Variants in SAMMSON observed in about 807,000 individuals in gnomAD.
SAMMSON encodes survival associated mitochondrial melanoma specific oncogenic non-coding RNA.
chr3:70,398,760 T>C lies in SAMMSON; in HGVS notation n.233+40436T>C, dbSNP rs145542244. 4.3e-4 allele frequency among the ~76,000 whole-genome samples: 65 copies of C among 152,322 alleles called. No homozygotes were observed. The East Asian group carries it at 0.011, about 26-fold the overall frequency. Reference sequence around the variant, plus strand: ...AGTGTGTGGTAGAAAATGTAAATGCTCGATGTTCTTCTGAGAAACACATAA... The same window carrying C: ...AGTGTGTGGTAGAAAATGTAAATGCCCGATGTTCTTCTGAGAAACACATAA... On this transcript the variant is annotated intron_variant and non_coding_transcript_variant, in intron 2 of 3. Transcript: ENST00000641053.
At chr3:70,409,331 C>T (rs907382753) in intron 2 of SAMMSON, among the ~76,000 whole-genome samples, 2 of 151,982 alleles carry the variant, frequency 1.3e-5, no homozygotes, top group Admixed American at 6.6e-5. Context: ...TTGGAAATGA[C>T]ATTTTAATTT....
chr3:70,408,667 A>G (rs944718307), intron 2 of SAMMSON, among the ~76,000 whole-genome samples: 4 of 152,106 alleles, frequency 2.6e-5, no homozygotes, highest in African/African-American at 9.7e-5. Context: ...AAGCCATTCA[A>G]TGAGTCTCTA....
At chr3:70,331,317 G>GAGCT (rs1702619809) in intron 7 of SAMMSON, among the ~76,000 whole-genome samples, 1 of 152,186 alleles carries the variant, frequency 6.6e-6, no homozygotes, top group African/African-American at 2.4e-5. Flanking sequence ...ACTAGTGGAT[G>GAGCT]AGCTACTGGT....
chr3:70,010,524 G>A (rs1316951450), intron 1 of SAMMSON, among the ~76,000 whole-genome samples: 2 of 152,030 alleles, frequency 1.3e-5, no homozygotes, highest in East Asian at 1.9e-4. Context: ...AGGGGAAGAT[G>A]GATGCTATTT....
Position 70,230,193 on chromosome 3 carries a change from G to C in SAMMSON, n.508-18914G>C, listed in dbSNP as rs1162704243. Among the ~76,000 whole-genome samples, 5 of 152,216 alleles carry C rather than the reference G, an allele frequency of 3.3e-5. No individual in the cohort carries two copies. In the East Asian group the frequency reaches 9.7e-4, roughly 29 times the overall value. On this transcript the variant is annotated intron_variant and non_coding_transcript_variant, in intron 4 of 9. Coordinates refer to ENST00000642114, the Ensembl canonical transcript of SAMMSON. ...AGAGCCATCCATTTAACAGCACATT[G>C]TCTCTTACTGGTAGATACCATAATT...
At chr3:70,155,239 C>T (rs796591137) in intron 4 of SAMMSON, among the ~76,000 whole-genome samples, 10 of 151,926 alleles carry the variant, frequency 6.6e-5, no homozygotes, top group South Asian at 6.2e-4. Flanking sequence ...ATTGACATCA[C>T]GACTCTGGGG....
At chr3:70,083,187 G>T (rs1180504041) in intron 4 of SAMMSON, among the ~76,000 whole-genome samples, 1 of 152,176 alleles carries the variant, frequency 6.6e-6, no homozygotes, top group Non-Finnish European at 1.5e-5. Context: ...GCTCAGTATT[G>T]TGATCATTTG....
At chr3:70,193,770 T>C (rs1440035017) in intron 4 of SAMMSON, among the ~76,000 whole-genome samples, 1 of 152,222 alleles carries the variant, frequency 6.6e-6, no homozygotes, top group Non-Finnish European at 1.5e-5. Flanking sequence ...AGTTTACATA[T>C]TAATATTTTT....
chr3:70,366,488 T>C (rs1702920596), intron 9 of SAMMSON, among the ~76,000 whole-genome samples: 1 of 114,204 alleles, frequency 8.8e-6, no homozygotes, highest in South Asian at 3.2e-4. Context: ...GTTTGTGTTT[T>C]TATGTTTTTT....
At chr3:70,180,034 A>ACG (rs1559529142) in intron 4 of SAMMSON, among the ~76,000 whole-genome samples, 10 of 150,126 alleles carry the variant, frequency 6.7e-5, no homozygotes, top group Non-Finnish European at 1.2e-4. Flanking sequence ...GTGTGCGCGC[A>ACG]CGTGTGTGTG....
intron 7 of SAMMSON, among the ~76,000 whole-genome samples, chr3:70,296,673 C>T (rs1276316489): frequency 6.6e-6 from 1 of 152,080 alleles, no homozygotes; most frequent in Non-Finnish European, 1.5e-5. Flanking sequence ...ACCAGCAAGT[C>T]TTGACAATTC....
At chr3:70,347,568 A>C (rs547292853) in intron 7 of SAMMSON, among the ~76,000 whole-genome samples, 1 of 152,178 alleles carries the variant, frequency 6.6e-6, no homozygotes, top group Admixed American at 6.5e-5. Flanking sequence ...ACACACTAGA[A>C]TGTGGCTGCA....
intron 4 of SAMMSON, among the ~76,000 whole-genome samples, chr3:70,224,761 A>G (rs1240108178): frequency 1.3e-5 from 2 of 151,850 alleles, no homozygotes; most frequent in African/African-American, 4.8e-5. Flanking sequence ...GCAAAATGCT[A>G]TTTCCAATTT....
At chr3:70,008,291 G>T (rs138257139) in intron 1 of SAMMSON, among the ~76,000 whole-genome samples, 18 of 152,176 alleles carry the variant, frequency 1.2e-4, no homozygotes, top group Admixed American at 2.6e-4. Context: ...TGGAATGTTC[G>T]TCCATTTGTT....
intron 4 of SAMMSON, among the ~76,000 whole-genome samples, chr3:70,102,769 T>A (rs925567582): frequency 2.6e-5 from 4 of 152,174 alleles, no homozygotes; most frequent in Non-Finnish European, 4.4e-5. Flanking sequence ...GTCTCTGTAG[T>A]CATCAGGAGA....
chr3:70,286,615 T>C (rs1559554362), intron 6 of SAMMSON, among the ~76,000 whole-genome samples: 1 of 152,118 alleles, frequency 6.6e-6, no homozygotes, highest in African/African-American at 2.4e-5. Flanking sequence ...GGTAGCTTGA[T>C]GGGGATGGCA....
At chr3:70,275,259 A>C (rs1186452940) in intron 6 of SAMMSON, among the ~76,000 whole-genome samples, 1 of 152,212 alleles carries the variant, frequency 6.6e-6, no homozygotes, top group East Asian at 1.9e-4. Context: ...ACAGTGGCTT[A>C]CACCTGTAAT....
intron 7 of SAMMSON, among the ~76,000 whole-genome samples, chr3:70,330,762 A>G (rs1702616553): frequency 6.6e-6 from 1 of 152,108 alleles, no homozygotes; most frequent in African/African-American, 2.4e-5. Context: ...GGTTATTTCA[A>G]TGTGAAATTG....
chr3:70,172,516 A>G (rs985111456), intron 4 of SAMMSON: 1 of 151,968 alleles, frequency 6.6e-6, no homozygotes, highest in Non-Finnish European at 1.5e-5. Context: ...TTTATTTCAT[A>G]TTATTTGAAG....
Sources: allele counts gnomAD v4.1 joint callset (sites outside exome capture counted in the v4.1 genomes callset), GRCh38; gene constraint gnomAD v4.1.1; transcripts MANE v1.5; gene names NCBI Gene and HGNC (gene_info 2026-07-23, HGNC 2026-07-21).